The following GRIP2 variants were observed in gnomAD, a reference collection of about 807,000 sequenced individuals.
GRIP2 encodes the protein glutamate receptor interacting protein 2.
In GRIP2, 58 loss-of-function variants were observed where a neutral mutation model predicts 108.3. The observed-to-expected ratio is 0.54, with a 90% confidence interval of 0.43 to 0.67. The LOEUF (loss-of-function observed/expected upper bound fraction) is 0.67, where lower values mean the gene tolerates loss of function less well. Among genes scored for constraint, GRIP2 ranks in the 30% least tolerant of loss-of-function variants. GRIP2 has a pLI of 0.00. For missense variants in GRIP2, 1,278 were observed against 1,430.6 expected (o/e 0.89, Z 1.72); for synonymous variants, 586 against 598.2 (o/e 0.98, Z 0.30).
chr3:14,520,765 G>A lies in GRIP2; in HGVS notation c.713-228C>T, dbSNP rs1009509553. On this transcript the variant is annotated intron_variant, in intron 7 of 23. Coordinates refer to ENST00000621039, the MANE Select transcript of GRIP2 (RefSeq NM_001080423.4). Reference sequence around the variant, plus strand: ...GGAGGGGCAGGAGCTCAGGTCTGAGGGGCTGTGATCCCAGGGCTTTGCTGG... The same window carrying A: ...GGAGGGGCAGGAGCTCAGGTCTGAGAGGCTGTGATCCCAGGGCTTTGCTGG... The A allele has an allele frequency of 5.3e-6, 3 of 570,966 alleles. No homozygotes were observed. The African/African-American group carries it at 5.6e-5, about 11-fold the overall frequency. 35.4% of individuals were successfully genotyped at this position (570,966 alleles called of 1,614,324 possible).
rs1184854506 is a variant in GRIP2, at chr3:14,507,949, C to T, written c.2079-249G>A. 6.6e-6 allele frequency among the ~76,000 whole-genome samples: 1 copy of T among 152,204 alleles called. No individual in the cohort carries two copies. Among genetic ancestry groups the T allele is most frequent in the Admixed American group, 6.5e-5 (1 of 15,278 alleles). ...AAAATTAGGTTCTGGAACCAGTGTCCAACACAGGTTTTGAGAATCCCACAT... is the reference window on the plus strand; with the variant it reads ...AAAATTAGGTTCTGGAACCAGTGTCTAACACAGGTTTTGAGAATCCCACAT... On this transcript the variant is annotated intron_variant, in intron 17 of 23. Coordinates refer to ENST00000621039, the MANE Select transcript of GRIP2 (RefSeq NM_001080423.4). The surrounding 1 kb of genome is among the most constrained non-coding windows in gnomAD (Gnocchi z 4.6).
At chr3:14,540,513 A>C, upstream of GRIP2, 36 of 1,164,968 alleles carry the variant, frequency 3.1e-5, no homozygotes, top group Non-Finnish European at 3.1e-5. The surrounding 1 kb of genome is among the most constrained non-coding windows in gnomAD (Gnocchi z 4.1). Context: ...AGGGTCCAAC[A>C]TGCCCCACCC....
chr3:14,575,286 T>A, the GRIP2 span, among the ~76,000 whole-genome samples: 1 of 152,254 alleles, frequency 6.6e-6, no homozygotes, highest in Admixed American at 6.5e-5. Flanking sequence ...ATGTTTGGGC[T>A]CAGGCCTGGG....
chr3:14,584,790 A>G, the GRIP2 span, among the ~76,000 whole-genome samples: 1 of 152,070 alleles, frequency 6.6e-6, no homozygotes, highest in Non-Finnish European at 1.5e-5. Flanking sequence ...ATCTTTTACG[A>G]AGCACCCATA....
chr3:14,588,530 G>T, the GRIP2 span, among the ~76,000 whole-genome samples: 1 of 152,118 alleles, frequency 6.6e-6, no homozygotes, highest in South Asian at 2.1e-4. Context: ...CCACTGATGT[G>T]TACCCTTCTG....
chr3:14,597,293 T>G, the GRIP2 span, among the ~76,000 whole-genome samples: 63 of 152,164 alleles, frequency 4.1e-4, no homozygotes, highest in Non-Finnish European at 8.5e-4. Context: ...AATAGGGAAC[T>G]GGGTGGAAGG....
intron 1 of GRIP2, among the ~76,000 whole-genome samples, chr3:14,554,970 T>C (rs1348924657): frequency 6.6e-6 from 1 of 152,080 alleles, no homozygotes; most frequent in Non-Finnish European, 1.5e-5. Context: ...GCCTGAAGCA[T>C]AGAGATCGTG....
upstream of GRIP2, among the ~76,000 whole-genome samples, chr3:14,556,344 C>G (rs974139709): frequency 3.9e-5 from 6 of 152,322 alleles, no homozygotes; most frequent in Middle Eastern, 0.01. Context: ...ACTTCCAGGC[C>G]TTTGCACCTG....
the GRIP2 span, among the ~76,000 whole-genome samples, chr3:14,578,838 A>G: frequency 8.6e-6 from 1 of 116,532 alleles, no homozygotes; most frequent in Non-Finnish European, 1.7e-5. Context: ...ATGGTGACCC[A>G]GGCCAGCTGT....
intron 11 of GRIP2, among the ~76,000 whole-genome samples, chr3:14,516,067 G>C (rs1194814733): frequency 6.6e-6 from 1 of 151,944 alleles, no homozygotes; most frequent in East Asian, 1.9e-4. Flanking sequence ...CACATCCCAG[G>C]AAGGAGACAG....
chr3:14,595,977 C>A, the GRIP2 span, among the ~76,000 whole-genome samples: 1 of 152,252 alleles, frequency 6.6e-6, no homozygotes, highest in Non-Finnish European at 1.5e-5. Context: ...GGGGTCCCTG[C>A]CCCCATGAGG....
chr3:14,525,374 C>T (rs1694524751), intron 3 of GRIP2, 63 bp downstream of exon 3: 19 of 1,582,938 alleles, frequency 1.2e-5, no homozygotes, highest in Non-Finnish European at 1.5e-5. Context: ...TTTCCACTGG[C>T]CCTGGGCTCC....
the GRIP2 span, among the ~76,000 whole-genome samples, chr3:14,600,488 T>C: frequency 3.3e-5 from 5 of 152,232 alleles, no homozygotes; most frequent in East Asian, 9.6e-4. Context: ...TCAAGCCCAC[T>C]CCTCTTTGTT....
the GRIP2 span, among the ~76,000 whole-genome samples, chr3:14,595,021 C>T: frequency 6.6e-6 from 1 of 151,828 alleles, no homozygotes; most frequent in African/African-American, 2.4e-5. Flanking sequence ...CTCAGCCTCC[C>T]GAGTAGCTGG....
chr3:14,500,782 T>C lies in GRIP2; in HGVS notation c.2679+2784A>G, dbSNP rs7624314. ...GGATGAGCTCAGAAAAAAAGGGGTA[T>C]GCAAGAAGCAAAGGTGATAACAGAA... On this transcript the variant is annotated intron_variant, in intron 21 of 23. Coordinates refer to ENST00000621039, the MANE Select transcript of GRIP2 (RefSeq NM_001080423.4). 8.5e-3 allele frequency among the ~76,000 whole-genome samples: 1,290 copies of C among 152,234 alleles called. 27 individuals are homozygous for C. Among genetic ancestry groups the C allele is most frequent in the African/African-American group, 0.029 (1,219 of 41,526 alleles).
Position 14,503,564 on chromosome 3 carries a change from AC to A in GRIP2, c.2679+1del. ...GCAGGCCTGCAGGGCAGGCAGCCAT[AC>A]CTCCAGTTCCCTCAGCAGCTCTGAC... On this transcript the variant is annotated splice_donor_variant, in intron 21 of 23. Transcript: ENST00000621039. LOFTEE classifies it high-confidence loss of function. 2 of 1,606,456 alleles carry A rather than the reference AC, an allele frequency of 1.2e-6. No individual in the cohort carries two copies. Among genetic ancestry groups the A allele is most frequent in the Non-Finnish European group, 1.7e-6 (2 of 1,176,180 alleles).
In GRIP2 at chr3:14,520,105, C is replaced by T; in HGVS notation, c.1030+5G>A. The T allele has an allele frequency of 6.3e-7, 1 of 1,585,990 alleles. No individual in the cohort carries two copies. The highest frequency in any genetic ancestry group is 8.6e-7 in the Non-Finnish European group (1 of 1,167,484). ...TGGGCCCTGAGATCTACTGAGGGGACCCACCTGCCTCTGAGGGCCTCAGTG... is the reference window on the plus strand; with the variant it reads ...TGGGCCCTGAGATCTACTGAGGGGATCCACCTGCCTCTGAGGGCCTCAGTG... On this transcript the variant is annotated splice_donor_5th_base_variant and intron_variant, in intron 9 of 23. Transcript: ENST00000621039.
upstream of GRIP2, among the ~76,000 whole-genome samples, chr3:14,544,224 T>C (rs893955861): frequency 1.4e-4 from 22 of 152,054 alleles, no homozygotes; most frequent in African/African-American, 5.3e-4. Context: ...GGTCACCACA[T>C]GCTCTTCCCA....
the GRIP2 span, among the ~76,000 whole-genome samples, chr3:14,594,463 G>T: frequency 2.8e-4 from 42 of 152,318 alleles, no homozygotes; most frequent in East Asian, 6.9e-3. Context: ...TTCCTTCCCT[G>T]GGGAAAGAGG....
Sources: gnomAD v4.1 joint callset for allele counts (sites outside exome capture counted in the v4.1 genomes callset) on GRCh38, gnomAD v4.1.1 for gene constraint, Gnocchi (gnomAD v3.1) non-coding constraint, MANE v1.5 for transcripts, NCBI Gene and HGNC (gene_info 2026-07-23, HGNC 2026-07-21) for gene names.